PSMD11: variants seen among roughly 807,000 people sequenced by gnomAD.
PSMD11 encodes the protein 26S proteasome non-ATPase regulatory subunit 11.
Under a neutral mutation model 62.3 loss-of-function variants are expected in PSMD11, and 5 were observed. That is an observed-to-expected ratio of 0.08 (90% CI 0.04 to 0.17). PSMD11 has a LOEUF of 0.17. PSMD11 is among the 10% of genes least tolerant of loss of function. The pLI is 1.00. For synonymous variants in PSMD11, 191 were observed against 191.8 expected, an observed-to-expected ratio of 1.00 and a Z score of 0.03; for missense variants, 310 against 512.9, an observed-to-expected ratio of 0.60 and a Z score of 3.82.
intron 3 of PSMD11, among the ~76,000 whole-genome samples, chr17:32,455,848 T>TA (rs1907634317): frequency 6.6e-6 from 1 of 152,146 alleles, no homozygotes; most frequent in Non-Finnish European, 1.5e-5. Context: ...AATTGTACTT[T>TA]AAAAAACTCA....
At chr17:32,456,166 T>C (rs1002925700) in intron 3 of PSMD11, among the ~76,000 whole-genome samples, 2 of 138,210 alleles carry the variant, frequency 1.4e-5, no homozygotes, top group African/African-American at 2.8e-5. Flanking sequence ...AAAAAAAAAA[T>C]CATGAAAGTG....
At chr17:32,451,926 C>T (rs546743798) in intron 2 of PSMD11, among the ~76,000 whole-genome samples, 9 of 151,960 alleles carry the variant, frequency 5.9e-5, no homozygotes, top group African/African-American at 1.7e-4. Flanking sequence ...GAGGGGGTTT[C>T]GCCATATTGC....
chr17:32,446,746 A>G (rs901408191), intron 1 of PSMD11, among the ~76,000 whole-genome samples, 199 bp from the exon 2 acceptor site: 18 of 151,372 alleles, frequency 1.2e-4, no homozygotes, highest in African/African-American at 1.9e-4. Flanking sequence ...TCCTTTTTTT[A>G]TGATTTACAT....
intron 4 of PSMD11, 49 bp downstream of exon 4, chr17:32,464,169 G>A: frequency 7.3e-6 from 11 of 1,506,990 alleles, no homozygotes; most frequent in Non-Finnish European, 1.0e-5. Flanking sequence ...ATGAGACAGA[G>A]GGTGAATGTA....
intron 3 of PSMD11, among the ~76,000 whole-genome samples, chr17:32,459,143 T>TGTA (rs1185866837): frequency 7.1e-6 from 1 of 141,078 alleles, no homozygotes. Flanking sequence ...TATATATGTA[T>TGTA]TTTTTTTTTT....
At chr17:32,448,586 T>C (rs1001551986) in intron 2 of PSMD11, among the ~76,000 whole-genome samples, 1 of 152,038 alleles carries the variant, frequency 6.6e-6, no homozygotes, top group Non-Finnish European at 1.5e-5. Flanking sequence ...TTGGTCAGGC[T>C]GGTCTTGAAC....
chr17:32,455,384 C>T (rs1597832525), intron 3 of PSMD11, among the ~76,000 whole-genome samples: 1 of 152,194 alleles, frequency 6.6e-6, no homozygotes, highest in East Asian at 1.9e-4. Flanking sequence ...TGTAAAAACA[C>T]AGTCACTGTT....
chr17:32,479,247 G>GA lies in PSMD11; in HGVS notation c.913-4_913-3insA. On this transcript the variant is annotated splice_region_variant and splice_polypyrimidine_tract_variant and intron_variant, in intron 9 of 13. Transcript: ENST00000261712. ...CCAATCTCTGCAACTGGTTCCTTTG[G>GA]CAGGCTCTGACAGATTACCGGGCAG... 1 of 1,613,448 alleles carries GA rather than the reference G, an allele frequency of 6.2e-7. No homozygotes were observed. Among genetic ancestry groups the GA allele is most frequent in the Non-Finnish European group, 8.5e-7 (1 of 1,179,718 alleles).
Position 32,469,107 on chromosome 17 carries a change from C to T in PSMD11, c.557C>T (p.Ala186Val), listed in dbSNP as rs1340053577. 6.2e-7 allele frequency: 1 copy of T among 1,613,996 alleles called. No individual in the cohort carries two copies. The highest frequency in any genetic ancestry group is 1.3e-5 in the African/African-American group (1 of 74,892). The change falls in exon 6 of 14, where the codon GCC becomes GTC. Residue 186 changes from alanine to valine, a missense_variant. Physicochemically the swap from Ala to Val is moderately conservative, Grantham distance 64. Coordinates refer to ENST00000261712, the MANE Select transcript of PSMD11 (RefSeq NM_002815.4). ...TYHALSNLPK[A>V]RAALTSARTT... is the part of the protein sequence containing the mutation. The stretch of plus-strand genomic sequence containing the variant: ...CATGCCCTGAGCAACCTGCCGAAAG[C>T]CCGAGCTGCCTTAACTTCTGCTCGA...
At chr17:32,463,394 G>C (rs1454193379) in intron 3 of PSMD11, 5 of 152,116 alleles carry the variant, frequency 3.3e-5, no homozygotes, top group Non-Finnish European at 7.4e-5. Flanking sequence ...TCAAAGTGCA[G>C]TAGTGAGAAG....
In PSMD11 at chr17:32,481,911, A is replaced by C. The variant is rs1908505545; in HGVS notation, c.*1159A>C. The C allele has an allele frequency of 6.6e-6, 1 of 152,180 alleles. No homozygotes were observed. Among genetic ancestry groups the C allele is most frequent in the Non-Finnish European group, 1.5e-5 (1 of 68,030 alleles). 9.4% of individuals were successfully genotyped at this position (152,180 alleles called of 1,614,324 possible). A position where few individuals can be genotyped will look rare whatever the true frequency, so the allele number is the denominator to read the frequency against. On this transcript the variant is annotated 3_prime_UTR_variant, in exon 14 of 14. Coordinates refer to ENST00000261712, the MANE Select transcript of PSMD11 (RefSeq NM_002815.4). ...CTTAGAACTCAAGTGGATGGGAAGT[A>C]GAGCACTATGTGTCAGTATGCTTTG...
intron 1 of PSMD11, chr17:32,444,997 A>T (rs1907288148): frequency 3.8e-6 from 1 of 260,506 alleles, no homozygotes; most frequent in Admixed American, 5.7e-5. Flanking sequence ...TAGAGTCTCT[A>T]CTTGAAAGGC....
intron 6 of PSMD11, among the ~76,000 whole-genome samples, chr17:32,472,893 C>T (rs1370755348): frequency 6.7e-6 from 1 of 148,490 alleles, no homozygotes; most frequent in Non-Finnish European, 1.5e-5. Flanking sequence ...TGGTGGCTCA[C>T]ACCTGTAATC....
At chr17:32,463,572 A>T (rs1295724576) in intron 3 of PSMD11, 1 of 159,604 alleles carries the variant, frequency 6.3e-6, no homozygotes, top group Non-Finnish European at 1.4e-5. Context: ...AGAATCTGAA[A>T]GGGAAAAAGC....
intron 9 of PSMD11, 53 bp downstream of exon 9, chr17:32,477,636 A>T: frequency 6.9e-7 from 1 of 1,448,358 alleles, no homozygotes; most frequent in South Asian, 1.2e-5. Context: ...AGGGACGTTT[A>T]AGTACTTCAA....
intron 8 of PSMD11, among the ~76,000 whole-genome samples, chr17:32,475,090 T>A (rs527436101): frequency 2.0e-4 from 31 of 152,324 alleles, no homozygotes; most frequent in African/African-American, 6.5e-4. Flanking sequence ...TGAGTTAGTT[T>A]GCATTTGGCT....
chr17:32,450,449 TA>T lies in PSMD11; in HGVS notation c.193+3404del, dbSNP rs1267590594. Among the ~76,000 whole-genome samples the T allele has an allele frequency of 5.6e-5, 8 of 142,780 alleles. No individual in the cohort carries two copies. The South Asian group carries it at 1.8e-3, about 31-fold the overall frequency. The allele number at this position is 142,780 out of a possible 152,430, so 93.7% of individuals were successfully genotyped here. ...TTTTTTTTTTTTTTTTTTCTTTTAG[TA>T]GAGACGAGGTTTCACCATGTTGGCC... On this transcript the variant is annotated intron_variant, in intron 2 of 13. Transcript: ENST00000261712.
rs145731852 is a variant in PSMD11 at position 32,479,442 on chromosome 17, C to T, written c.1038+66C>T. ...TCACTGTAGCCACCTCCCTTCCACACCTGTCCAGAATGGGAACTCACTTCT... is the reference window on the plus strand; with the variant it reads ...TCACTGTAGCCACCTCCCTTCCACATCTGTCCAGAATGGGAACTCACTTCT... On this transcript the variant is annotated intron_variant, in intron 10 of 13. Transcript: ENST00000261712. 170 of 1,582,026 alleles carry T rather than the reference C, an allele frequency of 1.1e-4. No individual in the cohort carries two copies. In the African/African-American group the frequency reaches 1.9e-3, roughly 18 times the overall value.
At chr17:32,454,178 G>T (rs891148530) in intron 2 of PSMD11, among the ~76,000 whole-genome samples, 3 of 152,192 alleles carry the variant, frequency 2.0e-5, no homozygotes, top group Non-Finnish European at 2.9e-5. Context: ...TAGAAAACTG[G>T]TTTTTGAGAT....
Sources: allele counts gnomAD v4.1 joint callset (sites outside exome capture counted in the v4.1 genomes callset), GRCh38; gene constraint gnomAD v4.1.1; transcripts MANE v1.5; gene names NCBI Gene and HGNC (gene_info 2026-07-23, HGNC 2026-07-21).